The following STK3 variants were observed in gnomAD, a reference collection of about 807,000 sequenced individuals.
STK3 encodes serine/threonine kinase 3, also known as serine/threonine-protein kinase 3.
STK3 carries 41 observed loss-of-function variants against 58.0 expected under a neutral mutation model. That is an observed-to-expected ratio of 0.71 (90% CI 0.55 to 0.92). The LOEUF (loss-of-function observed/expected upper bound fraction) is 0.92. STK3 is among the 40% of genes least tolerant of loss of function. STK3 has a pLI of 0.00. For missense variants in STK3, 479 were observed against 602.7 expected (o/e 0.79, Z 2.15); for synonymous variants, 170 against 191.0 (o/e 0.89, Z 0.91).
intron 3 of STK3, among the ~76,000 whole-genome samples, chr8:98,844,471 T>G (rs939143841): frequency 7.3e-5 from 10 of 137,234 alleles, no homozygotes; most frequent in Non-Finnish European, 1.6e-4. Flanking sequence ...GTGTGTGTGT[T>G]TTTGTTTTTT....
At chr8:98,570,310 AT>A (rs956865019) in intron 8 of STK3, among the ~76,000 whole-genome samples, 33 of 144,778 alleles carry the variant, frequency 2.3e-4, no homozygotes, top group Admixed American at 2.8e-4. Flanking sequence ...GTGTTTTTTA[AT>A]TTTTTTTTTT....
chr8:98,568,063 T>TGATAGATAGATA (rs10528436), intron 8 of STK3, among the ~76,000 whole-genome samples: 1,514 of 146,574 alleles, frequency 0.01, 13 homozygotes, highest in East Asian at 0.016. Flanking sequence ...CTTAGATAGA[T>TGATAGATAGATA]GATAGATAGA....
chr8:98,744,741 A>T (rs1486438733), intron 4 of STK3, among the ~76,000 whole-genome samples: 1 of 152,110 alleles, frequency 6.6e-6, no homozygotes, highest in African/African-American at 2.4e-5. Context: ...ATAATAATTA[A>T]AAAAAACATA....
At chr8:98,874,558 A>G (rs1837495229) in intron 3 of STK3, among the ~76,000 whole-genome samples, 1 of 152,044 alleles carries the variant, frequency 6.6e-6, no homozygotes, top group Non-Finnish European at 1.5e-5. Flanking sequence ...TTTATAACCC[A>G]TGTTTTATAT....
At chr8:98,675,909 T>C (rs1823176512) in intron 6 of STK3, among the ~76,000 whole-genome samples, 1 of 151,782 alleles carries the variant, frequency 6.6e-6, no homozygotes, top group Non-Finnish European at 1.5e-5. Flanking sequence ...TATTTGTGTG[T>C]CCACATTCAT....
chr8:98,558,432 TCAAGGA>T, intron 8 of STK3, among the ~76,000 whole-genome samples: 1 of 152,228 alleles, frequency 6.6e-6, no homozygotes, highest in Middle Eastern at 3.4e-3. Context: ...TTTATGTTCC[TCAAGGA>T]CAACAAATGT....
At chr8:98,663,813 C>T (rs1175365801) in intron 6 of STK3, among the ~76,000 whole-genome samples, 5 of 152,110 alleles carry the variant, frequency 3.3e-5, no homozygotes, top group Non-Finnish European at 5.9e-5. Context: ...TAGGTGGGAA[C>T]TGAACAATGA....
intron 1 of STK3, among the ~76,000 whole-genome samples, chr8:98,447,539 G>A (rs1819003240): frequency 6.8e-6 from 1 of 147,112 alleles, no homozygotes; most frequent in Non-Finnish European, 1.5e-5. Flanking sequence ...ATATCGTATT[G>A]CATATATACT....
At chr8:98,578,980 A>G (rs1050028550) in intron 8 of STK3, among the ~76,000 whole-genome samples, 1 of 152,006 alleles carries the variant, frequency 6.6e-6, no homozygotes, top group African/African-American at 2.4e-5. Context: ...GTGAAACCCC[A>G]TCTCTATTAA....
chr8:98,939,763 T>G (rs1426231109), intron 1 of STK3, among the ~76,000 whole-genome samples: 1 of 152,270 alleles, frequency 6.6e-6, no homozygotes, highest in Non-Finnish European at 1.5e-5. Flanking sequence ...GCCCTAGTCT[T>G]TTCCGAGGAT....
At chr8:98,546,239 G>A (rs1810688638) in intron 9 of STK3, among the ~76,000 whole-genome samples, 1 of 152,142 alleles carries the variant, frequency 6.6e-6, no homozygotes, top group South Asian at 2.1e-4. Context: ...TTTTGTGGAT[G>A]TCAAATCTAA....
chr8:98,364,404 C>T, the STK3 span, among the ~76,000 whole-genome samples: 1 of 152,164 alleles, frequency 6.6e-6, no homozygotes, highest in African/African-American at 2.4e-5. Context: ...GTCCCCTGTC[C>T]CTCTCCTTCT....
chr8:98,803,607 AAGAAAAAAAAAG>A (rs1005448831), intron 1 of STK3, among the ~76,000 whole-genome samples: 1 of 129,052 alleles, frequency 7.7e-6, no homozygotes, highest in African/African-American at 3.3e-5. Flanking sequence ...AAAAAAAAAA[AAGAAAAAAAAAG>A]AAAAGAAATA....
intron 7 of STK3, among the ~76,000 whole-genome samples, chr8:98,591,948 T>G (rs1010627318): frequency 6.6e-6 from 1 of 152,228 alleles, no homozygotes; most frequent in African/African-American, 2.4e-5. Context: ...TCACTTCTGT[T>G]AATACATAAT....
intron 6 of STK3, among the ~76,000 whole-genome samples, chr8:98,658,744 T>C (rs1821740138): frequency 6.6e-6 from 1 of 152,154 alleles, no homozygotes; most frequent in African/African-American, 2.4e-5. Context: ...CATTTTGATC[T>C]CAAAGGTCAT....
chr8:98,727,607 G>A (rs962270600), intron 4 of STK3, among the ~76,000 whole-genome samples: 1 of 152,146 alleles, frequency 6.6e-6, no homozygotes, highest in Non-Finnish European at 1.5e-5. Flanking sequence ...AGAAATGCTA[G>A]AGGTTATTCC....
At chr8:98,695,622 G>GT (rs1824838789) in intron 6 of STK3, among the ~76,000 whole-genome samples, 1 of 152,178 alleles carries the variant, frequency 6.6e-6, no homozygotes, top group Non-Finnish European at 1.5e-5. Flanking sequence ...CCCATTGCTT[G>GT]TTTTTCTCAG....
At chr8:98,898,139 T>G (rs2131945087) in intron 1 of STK3, among the ~76,000 whole-genome samples, 1 of 152,250 alleles carries the variant, frequency 6.6e-6, no homozygotes, top group African/African-American at 2.4e-5. Flanking sequence ...GGGAGTGGAG[T>G]TCATCCTCCA....
In STK3 at chr8:98,380,095, G is replaced by A. The variant is rs544939698; in HGVS notation, n.57-888C>T. Among the ~76,000 whole-genome samples the A allele has an allele frequency of 1.0e-3, 152 of 152,168 alleles. 1 individual carries two copies. The highest frequency in any genetic ancestry group is 1.8e-3 in the Non-Finnish European group (121 of 68,032). ...TCCACTTTATGAGGTATCTAAAATA[G>A]TCAAATTCATAGAGTCAAAAAATGG... On this transcript the variant is annotated intron_variant and non_coding_transcript_variant, in intron 1 of 2. Coordinates refer to the STK3 transcript ENST00000518704.
Sources: gnomAD v4.1 joint callset for allele counts (sites outside exome capture counted in the v4.1 genomes callset) on GRCh38, gnomAD v4.1.1 for gene constraint, MANE v1.5 for transcripts, NCBI Gene and HGNC (gene_info 2026-07-23, HGNC 2026-07-21) for gene names.